The following ME3 variants were observed in gnomAD, a reference collection of about 807,000 sequenced individuals.
ME3 encodes the protein NADP-dependent malic enzyme, mitochondrial.
In ME3, 48 loss-of-function variants were observed where a neutral mutation model predicts 68.9. The observed-to-expected ratio is 0.70, with a 90% CI of 0.55 to 0.89. ME3 has a LOEUF of 0.89. Among genes scored for constraint, ME3 ranks in the 40% least tolerant of loss-of-function variants. The pLI is 0.00. For synonymous variants in ME3, 320 were observed against 318.8 expected (o/e 1.00, Z -0.04); for missense variants, 675 against 797.4 (o/e 0.85, Z 1.85).
intron 6 of ME3, among the ~76,000 whole-genome samples, chr11:86,495,526 A>C (rs778582455): frequency 1.3e-5 from 2 of 152,242 alleles, no homozygotes; most frequent in Non-Finnish European, 2.9e-5. Context: ...GGTCTCAATT[A>C]AATCCAGCTG....
At chr11:86,625,381 A>G (rs1463843622) in intron 2 of ME3, among the ~76,000 whole-genome samples, 2 of 152,046 alleles carry the variant, frequency 1.3e-5, no homozygotes, top group East Asian at 3.9e-4. Flanking sequence ...ACATTTGTTC[A>G]AAATACAGGA....
intron 2 of ME3, among the ~76,000 whole-genome samples, chr11:86,590,897 G>T (rs1194803791): frequency 6.6e-6 from 1 of 152,206 alleles, no homozygotes; most frequent in Non-Finnish European, 1.5e-5. Flanking sequence ...TGCTGCCATA[G>T]TTCACGTGAA....
intron 4 of ME3, among the ~76,000 whole-genome samples, chr11:86,538,973 A>G (rs949180995): frequency 6.6e-6 from 1 of 152,222 alleles, no homozygotes; most frequent in East Asian, 1.9e-4. Flanking sequence ...ATTAGGTCAT[A>G]TATCTACACC....
At chr11:86,647,714 A>G (rs1245691958) in intron 2 of ME3, among the ~76,000 whole-genome samples, 1 of 152,222 alleles carries the variant, frequency 6.6e-6, no homozygotes, top group Non-Finnish European at 1.5e-5. Flanking sequence ...TAAGTATCCT[A>G]AATATATATG....
At chr11:86,501,998 T>C (rs960368642) in intron 5 of ME3, among the ~76,000 whole-genome samples, 1 of 152,238 alleles carries the variant, frequency 6.6e-6, no homozygotes, top group African/African-American at 2.4e-5. Flanking sequence ...TGGTCCCTGA[T>C]GTCTGTAAAA....
At chr11:86,457,413 C>G (rs1430277289) in intron 8 of ME3, 2 of 816,010 alleles carry the variant, frequency 2.5e-6, no homozygotes, top group African/African-American at 1.8e-5. Flanking sequence ...ATTCAGTAAT[C>G]AGTTCTCAGC....
At chr11:86,613,264 A>G (rs188696519) in intron 2 of ME3, among the ~76,000 whole-genome samples, 46 of 152,178 alleles carry the variant, frequency 3.0e-4, no homozygotes, top group African/African-American at 8.7e-4. Context: ...CCATTGATCT[A>G]TGTGTCCCTT....
At chr11:86,445,248 A>G (rs1345135162) in intron 13 of ME3, among the ~76,000 whole-genome samples, 1 of 152,234 alleles carries the variant, frequency 6.6e-6, no homozygotes, top group Non-Finnish European at 1.5e-5. Context: ...ACACAAAGTC[A>G]TAAGTAGTGT....
intron 2 of ME3, among the ~76,000 whole-genome samples, chr11:86,613,958 G>GA (rs907774144): frequency 2.0e-5 from 3 of 152,030 alleles, no homozygotes; most frequent in Admixed American, 6.6e-5. Context: ...CCTAGAATTA[G>GA]AAAAAAATCT....
At chr11:86,558,066 G>A (rs926399378) in intron 3 of ME3, among the ~76,000 whole-genome samples, 1 of 152,038 alleles carries the variant, frequency 6.6e-6, no homozygotes, top group Non-Finnish European at 1.5e-5. Context: ...GCCCTCTAGA[G>A]CTCCCAGTAA....
chr11:86,637,371 A>C (rs1944402229), intron 2 of ME3, among the ~76,000 whole-genome samples: 1 of 151,666 alleles, frequency 6.6e-6, no homozygotes, highest in Non-Finnish European at 1.5e-5. Flanking sequence ...AAAAAGCAAA[A>C]CTCATTACAG....
intron 4 of ME3, among the ~76,000 whole-genome samples, chr11:86,542,265 C>T (rs549500462): frequency 6.6e-6 from 1 of 152,200 alleles, no homozygotes; most frequent in Admixed American, 6.5e-5. Context: ...AGGATCACAA[C>T]TCCTTGCCAG....
At chr11:86,469,323 C>T (rs632873) in intron 7 of ME3, among the ~76,000 whole-genome samples, 46,327 of 152,020 alleles carry the variant, frequency 0.3, 7,363 homozygotes, top group Non-Finnish European at 0.33. Context: ...GGAGGTTAGA[C>T]ATTTCTCTGT....
At chr11:86,485,662 C>T (rs1264293821) in intron 7 of ME3, among the ~76,000 whole-genome samples, 1 of 152,184 alleles carries the variant, frequency 6.6e-6, no homozygotes, top group Non-Finnish European at 1.5e-5. Context: ...CTTGTCCCTC[C>T]CCTTTACCAC....
At chr11:86,525,790 A>T (rs1360538611) in intron 4 of ME3, among the ~76,000 whole-genome samples, 1 of 150,304 alleles carries the variant, frequency 6.7e-6, no homozygotes, top group Non-Finnish European at 1.5e-5. Context: ...TGAACCCAGG[A>T]GGCAGAGGTT....
At chr11:86,495,070 TCTTTA>T (rs1403947248) in intron 6 of ME3, among the ~76,000 whole-genome samples, 2 of 152,196 alleles carry the variant, frequency 1.3e-5, no homozygotes, top group Non-Finnish European at 2.9e-5. Context: ...CAAGAAATAA[TCTTTA>T]CTTATAAAGC....
intron 2 of ME3, among the ~76,000 whole-genome samples, chr11:86,657,621 TA>T (rs1186751251): frequency 6.6e-6 from 1 of 151,852 alleles, no homozygotes; most frequent in Non-Finnish European, 1.5e-5. Context: ...AGTATAATAA[TA>T]AAAAAAAGAT....
In ME3 at chr11:86,566,944, G is replaced by A. The variant is rs766575933; in HGVS notation, c.184-7121C>T. 3.9e-5 allele frequency among the ~76,000 whole-genome samples: 6 copies of A among 152,134 alleles called. 1 individual carries two copies. The highest frequency in any genetic ancestry group is 1.9e-4 in the East Asian group (1 of 5,170). On this transcript the variant is annotated intron_variant, in intron 2 of 14. Transcript: ENST00000543262. The stretch of plus-strand genomic sequence containing the variant: ...GATAAAAAAAGAAGAGTGGCCAGGC[G>A]CGATGGCTCATACCTGTAATCCCAG...
chr11:86,598,497 C>G (rs1959959843), intron 2 of ME3, among the ~76,000 whole-genome samples: 1 of 152,246 alleles, frequency 6.6e-6, no homozygotes, highest in South Asian at 2.1e-4. Flanking sequence ...CTGCCTGCCT[C>G]TGTAGACTCC....
Sources: allele counts gnomAD v4.1 joint callset (sites outside exome capture counted in the v4.1 genomes callset), GRCh38; gene constraint gnomAD v4.1.1; transcripts MANE v1.5; gene names NCBI Gene and HGNC (gene_info 2026-07-23, HGNC 2026-07-21).